Variants in IMMP2L observed in about 807,000 individuals in gnomAD.
IMMP2L encodes the protein inner mitochondrial membrane peptidase subunit 2, also known as mitochondrial inner membrane protease subunit 2.
A neutral mutation model predicts 19.3 loss-of-function variants in IMMP2L; 18 were observed. The observed-to-expected ratio is 0.93, with a 90% CI of 0.64 to 1.38. The LOEUF (loss-of-function observed/expected upper bound fraction) is 1.38. Among genes scored for constraint, IMMP2L ranks in the 40% most tolerant of loss-of-function variants. IMMP2L has a pLI of 0.00. For synonymous variants in IMMP2L, 76 were observed against 73.0 expected (o/e 1.04, Z -0.21); for missense variants, 233 against 218.2 (o/e 1.07, Z -0.43).
chr7:111,058,976 TTTTATTTATTTA>T (rs958973948), intron 3 of IMMP2L, among the ~76,000 whole-genome samples: 7 of 152,142 alleles, frequency 4.6e-5, no homozygotes, highest in Admixed American at 2.0e-4. Flanking sequence ...TTTTTTAACT[TTTTATTTATTTA>T]TTTATTTATT....
chr7:111,101,572 T>C (rs1358876916), intron 3 of IMMP2L, among the ~76,000 whole-genome samples: 4 of 151,422 alleles, frequency 2.6e-5, no homozygotes, highest in Admixed American at 2.0e-4. Flanking sequence ...GAGACAATCG[T>C]TCGAATTAAT....
chr7:111,154,558 C>T (rs921932530), intron 3 of IMMP2L, among the ~76,000 whole-genome samples: 1 of 151,976 alleles, frequency 6.6e-6, no homozygotes, highest in Non-Finnish European at 1.5e-5. Context: ...AAAATAGTGA[C>T]GGAAAACCAA....
chr7:111,212,619 C>CA (rs1020534801), intron 3 of IMMP2L, among the ~76,000 whole-genome samples: 3 of 149,228 alleles, frequency 2.0e-5, no homozygotes, highest in Non-Finnish European at 3.0e-5. Flanking sequence ...CACTACCACC[C>CA]AAAAAAAAGG....
chr7:110,831,130 C>T (rs1371696397), intron 5 of IMMP2L, among the ~76,000 whole-genome samples: 1 of 152,086 alleles, frequency 6.6e-6, no homozygotes, highest in African/African-American at 2.4e-5. Flanking sequence ...GGACTGGGGT[C>T]GTTCTCAGTT....
intron 3 of IMMP2L, among the ~76,000 whole-genome samples, chr7:111,148,314 T>C (rs1012844817): frequency 1.3e-5 from 2 of 152,068 alleles, no homozygotes; most frequent in Non-Finnish European, 2.9e-5. Context: ...GGCAAATCTA[T>C]AGAAACAGAA....
At chr7:111,212,227 G>A (rs1361010459) in intron 3 of IMMP2L, among the ~76,000 whole-genome samples, 2 of 151,742 alleles carry the variant, frequency 1.3e-5, no homozygotes, top group African/African-American at 2.4e-5. Context: ...GAAGAGTCAG[G>A]GAACCCTAAT....
intron 4 of IMMP2L, among the ~76,000 whole-genome samples, chr7:110,917,042 T>C (rs1217756763): frequency 6.6e-6 from 1 of 152,142 alleles, no homozygotes; most frequent in African/African-American, 2.4e-5. Flanking sequence ...GATGAGATAA[T>C]CCTGGATTAT....
chr7:111,200,778 T>C (rs1810018957), intron 3 of IMMP2L, among the ~76,000 whole-genome samples: 1 of 152,072 alleles, frequency 6.6e-6, no homozygotes, highest in Admixed American at 6.5e-5. Flanking sequence ...AGATTTCACC[T>C]AGAACTTGAG....
chr7:111,336,415 T>G (rs1286995439), intron 3 of IMMP2L, among the ~76,000 whole-genome samples: 1 of 152,040 alleles, frequency 6.6e-6, no homozygotes, highest in East Asian at 1.9e-4. Context: ...ATGTTTTAGA[T>G]ACTTTTAGTT....
chr7:111,408,303 G>A (rs1396374672), intron 3 of IMMP2L, among the ~76,000 whole-genome samples: 1 of 151,562 alleles, frequency 6.6e-6, no homozygotes, highest in Non-Finnish European at 1.5e-5. Flanking sequence ...AGACAGCTTG[G>A]CCAGTACTTG....
intron 3 of IMMP2L, among the ~76,000 whole-genome samples, chr7:111,273,549 C>G (rs1196638802): frequency 6.6e-6 from 1 of 152,108 alleles, no homozygotes; most frequent in Non-Finnish European, 1.5e-5. Flanking sequence ...ATGGGGTCAT[C>G]ATGAACAAAG....
chr7:110,791,546 T>C (rs1800459963), intron 5 of IMMP2L, among the ~76,000 whole-genome samples: 1 of 151,770 alleles, frequency 6.6e-6, no homozygotes, highest in Non-Finnish European at 1.5e-5. Context: ...TTTGAGATTT[T>C]CAGGGACCAG....
intron 3 of IMMP2L, among the ~76,000 whole-genome samples, chr7:111,304,053 C>T (rs889523062): frequency 1.3e-5 from 2 of 152,058 alleles, no homozygotes; most frequent in Admixed American, 6.6e-5. Flanking sequence ...TTTCCATATA[C>T]TGTTAATTTC....
intron 5 of IMMP2L, among the ~76,000 whole-genome samples, chr7:110,769,270 A>C (rs1798880426): frequency 6.6e-6 from 1 of 152,122 alleles, no homozygotes; most frequent in Admixed American, 6.6e-5. Flanking sequence ...TTTAGCTCTT[A>C]AACATCCACA....
intron 5 of IMMP2L, among the ~76,000 whole-genome samples, chr7:110,884,493 C>T (rs1010334743): frequency 2.0e-5 from 3 of 151,942 alleles, no homozygotes; most frequent in Non-Finnish European, 4.4e-5. Context: ...AAACTAAAGT[C>T]GTAAATTGGC....
intron 5 of IMMP2L, among the ~76,000 whole-genome samples, chr7:110,751,797 A>G (rs999801471): frequency 6.6e-6 from 1 of 152,066 alleles, no homozygotes; most frequent in African/African-American, 2.4e-5. Context: ...ATCCATTCAT[A>G]TTAAATGTCA....
chr7:110,831,213 T>C (rs991933427), intron 5 of IMMP2L, among the ~76,000 whole-genome samples: 3 of 152,134 alleles, frequency 2.0e-5, no homozygotes, highest in Non-Finnish European at 4.4e-5. Flanking sequence ...TTCAAATCTC[T>C]CTACCTTCCC....
At chr7:111,336,894 A>G (rs1167538023) in intron 3 of IMMP2L, among the ~76,000 whole-genome samples, 3 of 151,718 alleles carry the variant, frequency 2.0e-5, no homozygotes, top group Non-Finnish European at 4.4e-5. Context: ...AATAAGGTAA[A>G]GTGGCTTAAC....
At chr7:111,357,642 T>C (rs767056716) in intron 3 of IMMP2L, among the ~76,000 whole-genome samples, 8 of 152,152 alleles carry the variant, frequency 5.3e-5, no homozygotes, top group Non-Finnish European at 1.2e-4. Context: ...GGAACATTCA[T>C]GAGCTCTAGT....
Sources: gnomAD v4.1 joint callset for allele counts (sites outside exome capture counted in the v4.1 genomes callset) on GRCh38, gnomAD v4.1.1 for gene constraint, MANE v1.5 for transcripts, NCBI Gene and HGNC (gene_info 2026-07-23, HGNC 2026-07-21) for gene names.